ABAT: variants seen among roughly 807,000 people sequenced by gnomAD.
ABAT encodes 4-aminobutyrate aminotransferase.
In ABAT, 45 loss-of-function variants were observed where a neutral mutation model predicts 64.6. The ratio of observed to expected loss-of-function variants is 0.70; its 90% CI spans 0.55 to 0.89. ABAT has a LOEUF of 0.89. Ranked by LOEUF, ABAT falls within the 40% of genes least tolerant of loss-of-function variation. The pLI is 0.00. For synonymous variants in ABAT, 297 were observed against 250.5 expected (o/e 1.19, Z -1.75); for missense variants, 633 against 658.4 (o/e 0.96, Z 0.42).
intron 1 of ABAT, chr16:8,713,948 T>C (rs1339007208): frequency 6.6e-6 from 3 of 455,622 alleles, no homozygotes; most frequent in Non-Finnish European, 1.3e-5. Context: ...GGTGCCAGTG[T>C]CTGTCAGTGC....
chr16:8,750,040 TTAAG>T (rs1326829239), intron 4 of ABAT, among the ~76,000 whole-genome samples: 1 of 152,246 alleles, frequency 6.6e-6, no homozygotes, highest in Non-Finnish European at 1.5e-5. Flanking sequence ...TCATTTTGCA[TTAAG>T]TGAGTACTTT....
At chr16:8,686,090 A>G (rs1199109331) in intron 1 of ABAT, among the ~76,000 whole-genome samples, 3 of 152,246 alleles carry the variant, frequency 2.0e-5, no homozygotes, top group Non-Finnish European at 4.4e-5. Flanking sequence ...ACCAGCCAAA[A>G]GAGCAAGGCA....
rs115789523 is a variant in ABAT at position 8,779,086 on chromosome 16, G to C, written c.1270-393G>C. On this transcript the variant is annotated intron_variant, in intron 14 of 15. Coordinates refer to ENST00000268251, the MANE Select transcript of ABAT (RefSeq NM_020686.6). ...AGCATCCACCAAGTGCCCAGCCCCA[G>C]GCTTAGGACTTAACATGTGAACCTT... Among the ~76,000 whole-genome samples the C allele has an allele frequency of 6.8e-3, 1,039 of 152,298 alleles. 6 individuals are homozygous for C. The highest frequency in any genetic ancestry group is 0.024 in the African/African-American group (990 of 41,558).
chr16:8,678,210 C>T (rs998393646), intron 1 of ABAT, among the ~76,000 whole-genome samples: 4 of 152,314 alleles, frequency 2.6e-5, no homozygotes, highest in Admixed American at 2.6e-4. Flanking sequence ...TTACACAAGA[C>T]TTTCTTGTCT....
chr16:8,725,809 C>T (rs955886642), intron 1 of ABAT, among the ~76,000 whole-genome samples: 1 of 152,104 alleles, frequency 6.6e-6, no homozygotes, highest in South Asian at 2.1e-4. Flanking sequence ...TTTTGAGGAA[C>T]TTGTAATTCT....
intron 1 of ABAT, among the ~76,000 whole-genome samples, chr16:8,681,609 A>G (rs977441813): frequency 6.0e-4 from 89 of 148,490 alleles, no homozygotes; most frequent in Non-Finnish European, 1.1e-3. Flanking sequence ...GTCTTTCTGC[A>G]TTAGAGTGGC....
intron 1 of ABAT, chr16:8,713,744 C>T: frequency 5.1e-6 from 2 of 395,318 alleles, no homozygotes; most frequent in Admixed American, 5.3e-5. Context: ...GGAGCTGGTG[C>T]CCAACGGCAC....
chr16:8,717,700 T>A (rs531393007), intron 1 of ABAT, among the ~76,000 whole-genome samples: 1 of 152,366 alleles, frequency 6.6e-6, no homozygotes, highest in Admixed American at 6.5e-5. Flanking sequence ...CTGATTTTTA[T>A]ACCCAGTGAG....
chr16:8,740,153 C>T (rs994581571), intron 2 of ABAT, among the ~76,000 whole-genome samples: 1 of 152,052 alleles, frequency 6.6e-6, no homozygotes, highest in East Asian at 1.9e-4. Flanking sequence ...AGCTGATGAG[C>T]GGCTGAGCCA....
intron 1 of ABAT, chr16:8,722,932 A>T (rs2058415831): frequency 8.4e-7 from 1 of 1,188,746 alleles, no homozygotes; most frequent in African/African-American, 1.6e-5. Flanking sequence ...TAGAGTCCGA[A>T]CGGGCCTTAG....
chr16:8,714,338 T>C (rs1343308379), intron 1 of ABAT, among the ~76,000 whole-genome samples: 1 of 152,190 alleles, frequency 6.6e-6, no homozygotes, highest in African/African-American at 2.4e-5. Context: ...CCCTTTCTCT[T>C]TGAAACTCAG....
chr16:8,772,929 G>A lies in ABAT; in HGVS notation c.954+12G>A, dbSNP rs372226894. 27 of 1,613,142 alleles carry A rather than the reference G, an allele frequency of 1.7e-5. No individual in the cohort carries two copies. The highest frequency in any genetic ancestry group is 2.2e-5 in the Non-Finnish European group (26 of 1,179,958). On this transcript the variant is annotated intron_variant, in intron 12 of 15. Transcript: ENST00000268251. ...ACATCGCCAGGAAGGTCAGTGGACA[G>A]GGCCGAGGTTGGATGGAGCCATTGG...
chr16:8,711,726 A>ATTGGATG (rs1489993719), intron 1 of ABAT, among the ~76,000 whole-genome samples: 1 of 94,738 alleles, frequency 1.1e-5, no homozygotes, highest in Admixed American at 1.2e-4. Flanking sequence ...ATGGATGGGA[A>ATTGGATG]GATGGATGGG....
chr16:8,720,027 G>C (rs1235048756), intron 1 of ABAT, among the ~76,000 whole-genome samples: 1 of 152,134 alleles, frequency 6.6e-6, no homozygotes, highest in Admixed American at 6.6e-5. Context: ...TAGCCAGGCT[G>C]GTCTCGAACT....
intron 2 of ABAT, chr16:8,736,241 C>CAT (rs56329045): frequency 0.98 from 192,886 of 196,708 alleles, 94,592 homozygotes; most frequent in East Asian, 1. Context: ...CCTCCCATGA[C>CAT]GTGGGAATTA....
At chr16:8,767,737 G>A (rs182088964) in intron 9 of ABAT, among the ~76,000 whole-genome samples, 269 of 152,236 alleles carry the variant, frequency 1.8e-3, no homozygotes, top group Admixed American at 3.1e-3. Context: ...GTGCAGTGGC[G>A]CGAACTCGGC....
intron 14 of ABAT, 35 bp from the exon 15 acceptor site, chr16:8,779,444 G>C (rs374820783): frequency 4.4e-6 from 7 of 1,575,828 alleles, no homozygotes; most frequent in African/African-American, 4.1e-5. Flanking sequence ...ACAGGTGATG[G>C]GCTTTGACGC....
intron 1 of ABAT, among the ~76,000 whole-genome samples, chr16:8,726,506 A>G (rs1234063829): frequency 2.0e-5 from 3 of 152,066 alleles, no homozygotes; most frequent in African/African-American, 7.2e-5. Context: ...CAGCCTCCCA[A>G]AGTGCTGGGA....
intron 6 of ABAT, among the ~76,000 whole-genome samples, chr16:8,763,463 C>A (rs1400818297): frequency 6.6e-6 from 1 of 152,238 alleles, no homozygotes; most frequent in Non-Finnish European, 1.5e-5. Context: ...TCTCTGGGAA[C>A]CCCTCTGCCC....
Sources: gnomAD v4.1 joint callset for allele counts (sites outside exome capture counted in the v4.1 genomes callset) on GRCh38, gnomAD v4.1.1 for gene constraint, MANE v1.5 for transcripts, NCBI Gene and HGNC (gene_info 2026-07-23, HGNC 2026-07-21) for gene names.